ZSWIM6: variants seen among roughly 807,000 people sequenced by gnomAD.
ZSWIM6 encodes the protein zinc finger SWIM-type containing 6, also known as zinc finger SWIM domain-containing protein 6.
In ZSWIM6, 9 loss-of-function variants were observed where a neutral mutation model predicts 113.2. The ratio of observed to expected loss-of-function variants is 0.08; its 90% CI spans 0.05 to 0.14. The LOEUF (loss-of-function observed/expected upper bound fraction) is 0.14, where lower values mean the gene tolerates loss of function less well. ZSWIM6 is among the 10% of genes least tolerant of loss of function. ZSWIM6 has a pLI of 1.00. For missense variants in ZSWIM6, 1,162 were observed against 1,552.2 expected (o/e 0.75, Z 4.22); for synonymous variants, 611 against 606.5 (o/e 1.01, Z -0.11).
chr5:61,470,694 GA>G (rs957160300), intron 1 of ZSWIM6, among the ~76,000 whole-genome samples: 18 of 150,710 alleles, frequency 1.2e-4, no homozygotes, highest in Non-Finnish European at 2.2e-4. Flanking sequence ...GAATATTTGT[GA>G]AAAAAAAACC....
chr5:61,415,484 C>T lies in ZSWIM6; in HGVS notation c.677-57197C>T, dbSNP rs540572457. ...GCACGTGCCTGTAATCCCAGCTACTCGGGAGGCTGAGGCAGGAGAATCGCT... is the reference window on the plus strand; with the variant it reads ...GCACGTGCCTGTAATCCCAGCTACTTGGGAGGCTGAGGCAGGAGAATCGCT... On this transcript the variant is annotated intron_variant, in intron 1 of 13. Transcript: ENST00000252744. Among the ~76,000 whole-genome samples the T allele has an allele frequency of 7.0e-3, 1,060 of 151,316 alleles. 14 individuals are homozygous for T. The highest frequency in any genetic ancestry group is 0.025 in the African/African-American group (1,020 of 41,296).
At chr5:61,405,687 TA>T (rs1746029525) in intron 1 of ZSWIM6, among the ~76,000 whole-genome samples, 1 of 152,178 alleles carries the variant, frequency 6.6e-6, no homozygotes. Context: ...GTAGGCTCTG[TA>T]AAACACAAGA....
At chr5:61,522,904 T>C (rs1476130683) in intron 5 of ZSWIM6, among the ~76,000 whole-genome samples, 2 of 152,238 alleles carry the variant, frequency 1.3e-5, no homozygotes, top group Admixed American at 1.3e-4. Context: ...TTTTACTTTT[T>C]ACATTCCATT....
intron 1 of ZSWIM6, among the ~76,000 whole-genome samples, chr5:61,388,134 C>T (rs1745628311): frequency 6.6e-6 from 1 of 151,602 alleles, no homozygotes; most frequent in African/African-American, 2.4e-5. Context: ...AGACACCCAC[C>T]ATGATGCCCA....
intron 1 of ZSWIM6, among the ~76,000 whole-genome samples, chr5:61,449,673 C>G (rs1747043741): frequency 6.6e-6 from 1 of 152,098 alleles, no homozygotes; most frequent in East Asian, 1.9e-4. Flanking sequence ...TGTCATAGTT[C>G]CAGAAGTCAC....
intron 3 of ZSWIM6, among the ~76,000 whole-genome samples, 151 bp downstream of exon 3, chr5:61,491,085 A>C (rs1748163789): frequency 6.6e-6 from 1 of 152,066 alleles, no homozygotes; most frequent in Non-Finnish European, 1.5e-5. Flanking sequence ...TTGTAATGCA[A>C]GCTATTTTTT....
At chr5:61,513,096 A>G (rs745835612) in intron 4 of ZSWIM6, among the ~76,000 whole-genome samples, 4 of 152,096 alleles carry the variant, frequency 2.6e-5, no homozygotes, top group Non-Finnish European at 5.9e-5. Flanking sequence ...TAGTTTCACT[A>G]TGCTAAAAAT....
chr5:61,333,398 C>G (rs1053775257), intron 1 of ZSWIM6, among the ~76,000 whole-genome samples: 3 of 151,758 alleles, frequency 2.0e-5, no homozygotes, highest in Non-Finnish European at 4.4e-5. Flanking sequence ...CCCGGCCGCT[C>G]GGCGCTCCCC....
intron 1 of ZSWIM6, among the ~76,000 whole-genome samples, chr5:61,355,998 G>A (rs1489775616): frequency 6.6e-6 from 1 of 152,130 alleles, no homozygotes; most frequent in Non-Finnish European, 1.5e-5. Context: ...ATACAATTCA[G>A]TTATGATTTG....
Position 61,526,403 on chromosome 5 carries a change from G to T in ZSWIM6, c.1837+7G>T. 1 of 1,551,932 alleles carries T rather than the reference G, an allele frequency of 6.4e-7. No individual in the cohort carries two copies. The highest frequency in any genetic ancestry group is 8.7e-7 in the Non-Finnish European group (1 of 1,146,954). Reference sequence around the variant, plus strand: ...TTCCGAACCCAAAAAAAAGGTGAATGTGAAGGAGTTTGTTTCCATTGGAAT... The same window carrying T: ...TTCCGAACCCAAAAAAAAGGTGAATTTGAAGGAGTTTGTTTCCATTGGAAT... On this transcript the variant is annotated splice_region_variant and intron_variant, in intron 7 of 13. Coordinates refer to ENST00000252744, the MANE Select transcript of ZSWIM6 (RefSeq NM_020928.2).
chr5:61,417,356 C>T (rs1460273843), intron 1 of ZSWIM6, among the ~76,000 whole-genome samples: 1 of 152,168 alleles, frequency 6.6e-6, no homozygotes, highest in Non-Finnish European at 1.5e-5. Flanking sequence ...AGCGTGCCAA[C>T]TAAAATTATT....
chr5:61,462,634 G>A (rs982863259), intron 1 of ZSWIM6, among the ~76,000 whole-genome samples: 1 of 152,138 alleles, frequency 6.6e-6, no homozygotes, highest in African/African-American at 2.4e-5. Flanking sequence ...TTACACTAAC[G>A]GGCTAGGGTT....
intron 1 of ZSWIM6, among the ~76,000 whole-genome samples, chr5:61,386,479 T>G (rs1201469444): frequency 6.6e-6 from 1 of 152,236 alleles, no homozygotes; most frequent in African/African-American, 2.4e-5. Context: ...TAACCACTTC[T>G]GCAACAAATG....
At chr5:61,374,983 C>A in intron 1 of ZSWIM6, 2 of 905,592 alleles carry the variant, frequency 2.2e-6, no homozygotes, top group Non-Finnish European at 3.4e-6. Flanking sequence ...TAGAAATGAG[C>A]ATACAATAAT....
intron 2 of ZSWIM6, among the ~76,000 whole-genome samples, chr5:61,483,923 A>G (rs931711702): frequency 7.9e-5 from 12 of 151,242 alleles, no homozygotes; most frequent in Non-Finnish European, 2.9e-5. Flanking sequence ...ATATATATAA[A>G]TAGTGTATTT....
At chr5:61,463,077 A>G (rs1747351684) in intron 1 of ZSWIM6, among the ~76,000 whole-genome samples, 1 of 152,180 alleles carries the variant, frequency 6.6e-6, no homozygotes, top group South Asian at 2.1e-4. Context: ...AATCCCAGGG[A>G]TGTTGTAAAA....
chr5:61,494,383 A>G lies in ZSWIM6; in HGVS notation c.1306A>G (p.Lys436Glu). The part of the protein sequence containing the change: ...WRQQGTAMTD[K>E]YRQLWDELGA... Reference sequence around the variant, plus strand: ...GCAACAAGGCACTGCAATGACTGACAAATACAGGCAGCTCTGGGATGAGCT... The same window carrying G: ...GCAACAAGGCACTGCAATGACTGACGAATACAGGCAGCTCTGGGATGAGCT... The change falls in exon 4 of 14, where the codon AAA becomes GAA. Residue 436 changes from lysine to glutamate, a missense_variant. Around this residue, in one of 4 missense-constraint regions of ZSWIM6, gnomAD observed 620 missense variants for 804.6 expected, o/e 0.77. Coordinates refer to ENST00000252744, the MANE Select transcript of ZSWIM6 (RefSeq NM_020928.2). 6.4e-7 allele frequency: 1 copy of G among 1,551,082 alleles called. No individual in the cohort carries two copies. The highest frequency in any genetic ancestry group is 8.7e-7 in the Non-Finnish European group (1 of 1,146,540).
chr5:61,364,963 T>C (rs532427012), intron 1 of ZSWIM6, among the ~76,000 whole-genome samples: 2 of 152,292 alleles, frequency 1.3e-5, no homozygotes, highest in South Asian at 2.1e-4. Context: ...GACAGAAACT[T>C]TGGCCTTCAA....
At chr5:61,518,425 T>C (rs1236304085) in intron 4 of ZSWIM6, among the ~76,000 whole-genome samples, 1 of 151,074 alleles carries the variant, frequency 6.6e-6, no homozygotes. Flanking sequence ...AGTGTTCCTA[T>C]TTCTCCACAT....
Sources: allele counts gnomAD v4.1 joint callset (sites outside exome capture counted in the v4.1 genomes callset), GRCh38; gene constraint gnomAD v4.1.1; regional missense constraint gnomAD v4.1.1; transcripts MANE v1.5; gene names NCBI Gene and HGNC (gene_info 2026-07-23, HGNC 2026-07-21).